The following ADCY9 variants were observed in gnomAD, a reference collection of about 807,000 sequenced individuals.
The protein encoded by ADCY9 is adenylate cyclase type 9.
In ADCY9, 50 loss-of-function variants were observed where a neutral mutation model predicts 101.5. That is an observed-to-expected ratio of 0.49 (90% CI 0.39 to 0.62). The LOEUF (loss-of-function observed/expected upper bound fraction) is 0.62. ADCY9 is among the 20% of genes least tolerant of loss of function. The pLI is 0.00. For missense variants in ADCY9, 1,662 were observed against 1,800.4 expected (o/e 0.92, Z 1.39); for synonymous variants, 905 against 769.3 (o/e 1.18, Z -2.92).
chr16:4,100,254 C>A (rs374749621), intron 2 of ADCY9, among the ~76,000 whole-genome samples: 2 of 152,208 alleles, frequency 1.3e-5, no homozygotes, highest in African/African-American at 2.4e-5. Context: ...AGTTTCCTGA[C>A]GCCTCCCCAG....
chr16:4,023,593 T>C (rs1416556655), intron 2 of ADCY9, among the ~76,000 whole-genome samples: 1 of 151,814 alleles, frequency 6.6e-6, no homozygotes, highest in Non-Finnish European at 1.5e-5. Flanking sequence ...GCTGGGGAGG[T>C]GGGCCAGGCC....
rs576186395 is a variant in ADCY9 at position 3,989,402 on chromosome 16, G to A, written c.2208-306C>T. Among the ~76,000 whole-genome samples the A allele has an allele frequency of 9.2e-5, 14 of 151,772 alleles. No individual in the cohort carries two copies. The South Asian group carries it at 2.9e-3, about 32-fold the overall frequency. Reference sequence around the variant, plus strand: ...TGGGGTTTTTTTTTTTTGAGGCAAGGTCTCACTCTGTCGCCCAGGCTGGAG... The same window carrying A: ...TGGGGTTTTTTTTTTTTGAGGCAAGATCTCACTCTGTCGCCCAGGCTGGAG... On this transcript the variant is annotated intron_variant, in intron 5 of 10. Transcript: ENST00000294016.
At chr16:3,986,737 C>T (rs541745443) in intron 6 of ADCY9, among the ~76,000 whole-genome samples, 28 of 152,258 alleles carry the variant, frequency 1.8e-4, no homozygotes, top group African/African-American at 6.7e-4. Flanking sequence ...GGATTACAGG[C>T]ATGAGCCACC....
chr16:4,071,880 G>C (rs541402580), intron 2 of ADCY9, among the ~76,000 whole-genome samples: 1 of 151,934 alleles, frequency 6.6e-6, no homozygotes, highest in East Asian at 1.9e-4. Flanking sequence ...GTGCGGTCTC[G>C]GCTCCCTGCA....
intron 2 of ADCY9, among the ~76,000 whole-genome samples, chr16:4,112,954 T>G (rs2057122811): frequency 6.6e-6 from 1 of 152,002 alleles, no homozygotes; most frequent in Non-Finnish European, 1.5e-5. Context: ...ACATCAAGAA[T>G]AGCAGTAAGG....
chr16:4,059,107 C>T (rs538808069), intron 2 of ADCY9, among the ~76,000 whole-genome samples: 1 of 152,018 alleles, frequency 6.6e-6, no homozygotes, highest in Non-Finnish European at 1.5e-5. Context: ...AAAAACCGGC[C>T]GTGCACGATG....
chr16:4,086,046 G>A (rs753056726), intron 2 of ADCY9, among the ~76,000 whole-genome samples: 3 of 151,968 alleles, frequency 2.0e-5, no homozygotes, highest in Non-Finnish European at 2.9e-5. Flanking sequence ...AACCAGCCCT[G>A]GTCAGCGTAC....
At chr16:3,962,050 T>A (rs1030804788), downstream of ADCY9, among the ~76,000 whole-genome samples, 7 of 140,030 alleles carry the variant, frequency 5.0e-5, no homozygotes, top group South Asian at 2.3e-4. Flanking sequence ...AAAAAAAAAA[T>A]AACTCATCAG....
chr16:4,039,953 C>G (rs2056615675), intron 2 of ADCY9, among the ~76,000 whole-genome samples: 1 of 152,110 alleles, frequency 6.6e-6, no homozygotes, highest in African/African-American at 2.4e-5. Flanking sequence ...GTGGGAGGAT[C>G]ACCTGAGCCC....
intron 6 of ADCY9, chr16:3,984,152 A>G (rs2056170537): frequency 6.6e-6 from 1 of 152,212 alleles, no homozygotes; most frequent in South Asian, 2.1e-4. Context: ...TAGACACATT[A>G]TATATTTAGC....
At chr16:3,983,997 G>A (rs942022680) in intron 6 of ADCY9, 1 of 153,146 alleles carries the variant, frequency 6.5e-6, no homozygotes, top group African/African-American at 2.4e-5. Context: ...TCTGAGGTGG[G>A]AGGATTGCTT....
In ADCY9 at chr16:3,965,031, AGGCCTGGGCACACG is replaced by A. The variant is rs1308902261; in HGVS notation, c.*730_*743del. ...GTGAGAGGCGGCTCTGAGACCCCCGAGGCCTGGGCACACGGGCGTCGTGCCCGGCTGGCATTTGC... is the reference window on the plus strand; with the variant it reads ...GTGAGAGGCGGCTCTGAGACCCCCGAGGCGTCGTGCCCGGCTGGCATTTGC... On this transcript the variant is annotated 3_prime_UTR_variant, in exon 11 of 11. Coordinates refer to ENST00000294016, the MANE Select transcript of ADCY9 (RefSeq NM_001116.4). 2 of 152,218 alleles carry A rather than the reference AGGCCTGGGCACACG, an allele frequency of 1.3e-5. No homozygotes were observed. Among genetic ancestry groups the A allele is most frequent in the African/African-American group, 4.8e-5 (2 of 41,438 alleles). 9.4% of individuals were successfully genotyped at this position (152,218 alleles called of 1,614,324 possible). A position where few individuals can be genotyped will look rare whatever the true frequency, so the allele number is the denominator to read the frequency against.
At chr16:4,098,041 AAG>A (rs2057019396) in intron 2 of ADCY9, among the ~76,000 whole-genome samples, 1 of 152,110 alleles carries the variant, frequency 6.6e-6, no homozygotes, top group Admixed American at 6.6e-5. Flanking sequence ...CAAGCTGGAA[AAG>A]AGAGTGGCTG....
chr16:3,956,637 CAT>C (rs1379358771), intron 5 of ADCY9, among the ~76,000 whole-genome samples: 1 of 149,780 alleles, frequency 6.7e-6, no homozygotes, highest in Non-Finnish European at 1.5e-5. Context: ...ATTACAGGTG[CAT>C]GCCACCACAC....
chr16:3,958,158 C>T (rs1312861471), downstream of ADCY9, among the ~76,000 whole-genome samples: 4 of 152,170 alleles, frequency 2.6e-5, no homozygotes, highest in Non-Finnish European at 1.5e-5. Context: ...GAAAGACTCT[C>T]ACCAGCCAAC....
chr16:4,024,606 G>A (rs578129650), intron 2 of ADCY9, among the ~76,000 whole-genome samples: 1 of 152,228 alleles, frequency 6.6e-6, no homozygotes, highest in African/African-American at 2.4e-5. Flanking sequence ...GGTGGCGAAT[G>A]GCTCCGGAGG....
intron 3 of ADCY9, among the ~76,000 whole-genome samples, chr16:4,006,847 C>T (rs1446642756): frequency 1.3e-5 from 2 of 152,130 alleles, no homozygotes; most frequent in Non-Finnish European, 2.9e-5. Context: ...CAGGAGATCC[C>T]GGTTCCAATA....
chr16:4,108,664 G>A (rs1233465193), intron 2 of ADCY9, among the ~76,000 whole-genome samples: 2 of 146,114 alleles, frequency 1.4e-5, no homozygotes, highest in African/African-American at 2.5e-5. Flanking sequence ...GAGCCACCAC[G>A]CCCGGCCCAT....
In ADCY9 at chr16:3,977,689, C is replaced by T; in HGVS notation, c.2680-59G>A. On this transcript the variant is annotated intron_variant, in intron 8 of 10. Transcript: ENST00000294016. ...GGGCCACCCCGCCACCCCTGCTATA[C>T]CCGGCCGCCAAAACATTCGCCACTA... 12 of 1,551,124 alleles carry T rather than the reference C, an allele frequency of 7.7e-6. No individual in the cohort carries two copies. The South Asian group carries it at 1.1e-4, about 14-fold the overall frequency.
Sources: allele counts gnomAD v4.1 joint callset (sites outside exome capture counted in the v4.1 genomes callset), GRCh38; gene constraint gnomAD v4.1.1; transcripts MANE v1.5; gene names NCBI Gene and HGNC (gene_info 2026-07-23, HGNC 2026-07-21).